The following PPME1 variants were observed in gnomAD, a reference collection of about 807,000 sequenced individuals.
The protein encoded by PPME1 is protein phosphatase methylesterase 1.
PPME1 carries 17 observed loss-of-function variants against 56.9 expected under a neutral mutation model. The observed-to-expected ratio is 0.30, with a 90% CI of 0.20 to 0.45. The LOEUF (loss-of-function observed/expected upper bound fraction) is 0.45, where lower values mean the gene tolerates loss of function less well. PPME1 is among the 20% of genes least tolerant of loss of function. The probability of loss-of-function intolerance (pLI) is 1.00; values close to 1 mark genes in which losing one functional copy is unlikely to be tolerated. For synonymous variants in PPME1, 122 were observed against 156.2 expected, an observed-to-expected ratio of 0.78 and a Z score of 1.63; for missense variants, 357 against 483.2, an observed-to-expected ratio of 0.74 and a Z score of 2.45.
chr11:74,200,095 A>AG lies in PPME1; in HGVS notation c.102-3626dup, dbSNP rs561391187. ...AAAATTCTTTCATTACGACCCCTTG[A>AG]GGGGGGGAAGTTAGTAATTAATCTA... is the stretch of plus-strand genomic sequence containing the variant. On this transcript the variant is annotated intron_variant, in intron 1 of 13. Coordinates refer to ENST00000328257, the MANE Select transcript of PPME1 (RefSeq NM_016147.3). Among the ~76,000 whole-genome samples, 5 of 152,296 alleles carry AG rather than the reference A, an allele frequency of 3.3e-5. No homozygotes were observed. The East Asian group carries it at 7.7e-4, about 23-fold the overall frequency.
intron 1 of PPME1, among the ~76,000 whole-genome samples, chr11:74,199,948 G>T (rs1031526011): frequency 6.6e-6 from 1 of 152,084 alleles, no homozygotes; most frequent in African/African-American, 2.4e-5. Context: ...CTCCAACCAG[G>T]TCCCCCCACA....
At chr11:74,226,191 A>G (rs1858927923) in intron 5 of PPME1, among the ~76,000 whole-genome samples, 1 of 152,192 alleles carries the variant, frequency 6.6e-6, no homozygotes, top group Non-Finnish European at 1.5e-5. Flanking sequence ...GTATAAACTA[A>G]GCATTTATTA....
Position 74,222,393 on chromosome 11 carries a change from A to C in PPME1, c.346+24A>C, listed in dbSNP as rs773807149. 32 of 1,558,954 alleles carry C rather than the reference A, an allele frequency of 2.1e-5. No homozygotes were observed. The East Asian group carries it at 4.9e-4, about 24-fold the overall frequency. On this transcript the variant is annotated intron_variant, in intron 4 of 13. Transcript: ENST00000328257. Reference sequence around the variant, plus strand: ...TGGTGAGTAAAGTTCTTAATTAGCCATTAACTGGATTATAGTCATCAAGCC... The same window carrying C: ...TGGTGAGTAAAGTTCTTAATTAGCCCTTAACTGGATTATAGTCATCAAGCC...
chr11:74,237,186 G>A (rs1859211736), intron 8 of PPME1, among the ~76,000 whole-genome samples: 1 of 151,800 alleles, frequency 6.6e-6, no homozygotes, highest in Admixed American at 6.6e-5. Flanking sequence ...AAATCTAGAA[G>A]CTTCATCGGG....
intron 1 of PPME1, among the ~76,000 whole-genome samples, chr11:74,177,570 TA>T (rs1857432575): frequency 6.6e-6 from 1 of 152,186 alleles, no homozygotes; most frequent in African/African-American, 2.4e-5. Flanking sequence ...TACTTTTAAT[TA>T]GAGGATTTAT....
At chr11:74,251,516 A>T (rs1345547096) in intron 12 of PPME1, 132 bp from the exon 13 acceptor site, 2 of 1,470,134 alleles carry the variant, frequency 1.4e-6, no homozygotes, top group African/African-American at 1.4e-5. Context: ...GGTCCTTTTA[A>T]TTTCAAGCCA....
intron 3 of PPME1, among the ~76,000 whole-genome samples, chr11:74,218,149 C>T (rs1459721789): frequency 6.6e-6 from 1 of 151,836 alleles, no homozygotes; most frequent in African/African-American, 2.4e-5. Context: ...TCTGAAAAAT[C>T]AAGAAAGTAA....
chr11:74,217,299 TG>T (rs1331777231), intron 3 of PPME1, among the ~76,000 whole-genome samples: 1 of 152,124 alleles, frequency 6.6e-6, no homozygotes, highest in Non-Finnish European at 1.5e-5. Context: ...CCCAGCACTT[TG>T]AGAGGCTGAG....
At chr11:74,249,886 G>A (rs1859609866) in intron 11 of PPME1, 1 of 152,282 alleles carries the variant, frequency 6.6e-6, no homozygotes, top group Admixed American at 6.5e-5. Flanking sequence ...GCAGCTTACT[G>A]CAGGAGGAGG....
At chr11:74,198,814 C>T (rs539281474) in intron 1 of PPME1, 4 of 152,330 alleles carry the variant, frequency 2.6e-5, no homozygotes, top group African/African-American at 9.6e-5. Context: ...CTTCCGAGAT[C>T]AGATGAGATC....
At position 74,203,705 on chromosome 11, in the gene PPME1, G is replaced by C. The variant is rs368210886; in HGVS notation, c.102-23G>C. ...TCTTTATGCATAATTTTTCTGAAAT[G>C]TCTCTCTCTTTTTTTTCCTCAGCCC... is the stretch of plus-strand genomic sequence containing the variant. On this transcript the variant is annotated intron_variant, in intron 1 of 13. Transcript: ENST00000328257. 19 of 1,582,682 alleles carry C rather than the reference G, an allele frequency of 1.2e-5. 1 individual carries two copies. The highest frequency in any genetic ancestry group is 1.5e-5 in the Non-Finnish European group (17 of 1,159,258).
chr11:74,253,363 C>T, intron 13 of PPME1, 129 bp from the exon 14 acceptor site: 1 of 897,870 alleles, frequency 1.1e-6, no homozygotes, highest in Non-Finnish European at 1.8e-6. Flanking sequence ...CTGGTCAGGG[C>T]TGTGAAATGG....
At chr11:74,235,093 A>T (rs1170969345) in intron 7 of PPME1, among the ~76,000 whole-genome samples, 2 of 152,220 alleles carry the variant, frequency 1.3e-5, no homozygotes, top group African/African-American at 2.4e-5. Flanking sequence ...TCATGTCATT[A>T]TCTGAGGAGA....
intron 9 of PPME1, among the ~76,000 whole-genome samples, chr11:74,243,864 A>C (rs1451163336): frequency 6.6e-6 from 1 of 151,926 alleles, no homozygotes; most frequent in African/African-American, 2.4e-5. Context: ...GTAATTTTTA[A>C]GTGTACAGTT....
At chr11:74,225,307 A>G in intron 5 of PPME1, 51 bp downstream of exon 5, 2 of 1,231,924 alleles carry the variant, frequency 1.6e-6, no homozygotes, top group Admixed American at 2.5e-5. Context: ...TCACTATTAT[A>G]AATAGTACTA....
chr11:74,212,207 A>G (rs909601920), intron 3 of PPME1, among the ~76,000 whole-genome samples: 4 of 152,182 alleles, frequency 2.6e-5, no homozygotes, highest in African/African-American at 9.7e-5. Context: ...GGGAGAGCAC[A>G]GTGATTGTGT....
intron 5 of PPME1, among the ~76,000 whole-genome samples, chr11:74,227,240 A>G (rs1280888244): frequency 6.6e-6 from 1 of 152,200 alleles, no homozygotes; most frequent in East Asian, 1.9e-4. Context: ...TATCATGCCT[A>G]CTGGCAAGGG....
At chr11:74,224,903 G>A (rs897619647) in intron 4 of PPME1, among the ~76,000 whole-genome samples, 2 of 151,278 alleles carry the variant, frequency 1.3e-5, no homozygotes, top group African/African-American at 4.9e-5. Context: ...GGGACAATTT[G>A]ACTTCCTCTT....
chr11:74,215,381 G>A (rs1339136984), intron 3 of PPME1, among the ~76,000 whole-genome samples: 1 of 152,096 alleles, frequency 6.6e-6, no homozygotes, highest in Non-Finnish European at 1.5e-5. Context: ...AAAAAGTGGA[G>A]TGCTGAAGTT....
Sources: allele counts gnomAD v4.1 joint callset (sites outside exome capture counted in the v4.1 genomes callset), GRCh38; gene constraint gnomAD v4.1.1; transcripts MANE v1.5; gene names NCBI Gene and HGNC (gene_info 2026-07-23, HGNC 2026-07-21).